PCDHGB1: variants seen among roughly 807,000 people sequenced by gnomAD.
PCDHGB1 encodes the protein protocadherin gamma-B1.
Under a neutral mutation model 56.6 loss-of-function variants are expected in PCDHGB1, and 34 were observed. The observed-to-expected ratio is 0.60, with a 90% CI of 0.46 to 0.80. The LOEUF is 0.80. PCDHGB1 is among the 30% of genes least tolerant of loss of function. The pLI, the probability that PCDHGB1 is intolerant of heterozygous loss-of-function variation, is 0.00. For missense variants in PCDHGB1, 1,278 were observed against 1,204.6 expected (o/e 1.06, Z -0.90); for synonymous variants, 561 against 505.9 (o/e 1.11, Z -1.46).
At chr5:141,375,273 C>T in intron 1 of PCDHGB1, 1 of 1,613,854 alleles carries the variant, frequency 6.2e-7, no homozygotes, top group Non-Finnish European at 8.5e-7. Flanking sequence ...TTGGAAAAAT[C>T]AGTTGGCAAT....
intron 1 of PCDHGB1, among the ~76,000 whole-genome samples, chr5:141,482,530 C>CAAAAAAAAAA (rs3074545): frequency 1.2e-3 from 90 of 76,428 alleles, no homozygotes; most frequent in African/African-American, 1.7e-3. Context: ...GACAGACATG[C>CAAAAAAAAAA]AAAAAAAAAA....
intron 1 of PCDHGB1, chr5:141,360,108 T>C (rs376839446): frequency 6.4e-7 from 1 of 1,555,128 alleles, no homozygotes; most frequent in Non-Finnish European, 8.7e-7. Flanking sequence ...ATTCCTCCTA[T>C]GGGCAAAGGA....
intron 1 of PCDHGB1, chr5:141,371,738 C>G (rs765693064): frequency 6.2e-7 from 1 of 1,614,052 alleles, no homozygotes. Flanking sequence ...TCAACGACAA[C>G]GTTCCCGTTT....
chr5:141,485,586 TG>T lies in PCDHGB1; in HGVS notation c.2410-9219del. The T allele has an allele frequency of 6.2e-7, 1 of 1,612,402 alleles. No homozygotes were observed. Among genetic ancestry groups the T allele is most frequent in the Non-Finnish European group, 8.5e-7 (1 of 1,178,600 alleles). Reference sequence around the variant, plus strand: ...GCCCCCCGTTTTCCGCGGCAGCAGCTGGACTTGGAAATTGGGGAGGCAGCTC... The same window carrying T: ...GCCCCCCGTTTTCCGCGGCAGCAGCTGACTTGGAAATTGGGGAGGCAGCTC... On this transcript the variant is annotated intron_variant, in intron 1 of 3. Coordinates refer to ENST00000523390, the MANE Select transcript of PCDHGB1 (RefSeq NM_018922.3). The surrounding 1 kb of genome is among the most constrained non-coding windows in gnomAD (Gnocchi z 5.7).
At position 141,486,609 on chromosome 5, in the gene PCDHGB1, C is replaced by T; in HGVS notation, c.2410-8198C>T. The T allele has an allele frequency of 6.2e-7, 1 of 1,613,568 alleles. No homozygotes were observed. ...GGGGACCTGCTTTGCTCCCTTGCAG[C>T]CTCTGACCCAGACTCTGGCTTGAAT... On this transcript the variant is annotated intron_variant, in intron 1 of 3. Transcript: ENST00000523390. The surrounding 1 kb of genome is among the most constrained non-coding windows in gnomAD (Gnocchi z 5.0).
rs1425448852 is a variant in PCDHGB1, at chr5:141,493,717, C to T, written c.2410-1090C>T. Among the ~76,000 whole-genome samples the T allele has an allele frequency of 1.3e-5, 2 of 152,208 alleles. No individual in the cohort carries two copies. The highest frequency in any genetic ancestry group is 3.8e-4 in the East Asian group (2 of 5,202). On this transcript the variant is annotated intron_variant, in intron 1 of 3. Coordinates refer to ENST00000523390, the MANE Select transcript of PCDHGB1 (RefSeq NM_018922.3). This position sits in a 1 kb window ranked among gnomAD's most constrained non-coding sequence, Gnocchi z 4.3. ...CCGATACACCTGGAATGCTAGGTTT[C>T]TGGGTTCTGCTCATATCACTGCCAC...
chr5:141,400,281 C>G, intron 1 of PCDHGB1: 5 of 1,614,016 alleles, frequency 3.1e-6, no homozygotes, highest in Non-Finnish European at 4.2e-6. Context: ...CCAGCCCTGC[C>G]GCCTGGAGCT....
Position 141,418,592 on chromosome 5 carries a change from G to A in PCDHGB1, c.2409+65923G>A, listed in dbSNP as rs772314584. Reference sequence around the variant, plus strand: ...TGACAACCCCCCAGTGTTCAGCCAGGACGTGTACAGGGTTAGCCTTCGGGA... The same window carrying A: ...TGACAACCCCCCAGTGTTCAGCCAGAACGTGTACAGGGTTAGCCTTCGGGA... On this transcript the variant is annotated intron_variant, in intron 1 of 3. Transcript: ENST00000523390. 18 of 1,614,020 alleles carry A rather than the reference G, an allele frequency of 1.1e-5. No homozygotes were observed. The highest frequency in any genetic ancestry group is 1.5e-5 in the Non-Finnish European group (18 of 1,179,902).
rs1201654822 is a variant in PCDHGB1, at chr5:141,476,876, C to T, written c.2410-17931C>T. ...CCAGTCCTTGTACCGGGCGCGCGTC[C>T]TGGAGGATGCACCCTCCGGCACGCG... On this transcript the variant is annotated intron_variant, in intron 1 of 3. Transcript: ENST00000523390. The surrounding 1 kb of genome is among the most constrained non-coding windows in gnomAD (Gnocchi z 7.6). 6.2e-7 allele frequency: 1 copy of T among 1,613,876 alleles called. No homozygotes were observed. The highest frequency in any genetic ancestry group is 1.7e-5 in the Admixed American group (1 of 60,018).
intron 1 of PCDHGB1, chr5:141,394,379 T>G: frequency 6.2e-7 from 1 of 1,614,160 alleles, no homozygotes; most frequent in Non-Finnish European, 8.5e-7. Context: ...CTTTCGACTA[T>G]GAGCAGATCC....
chr5:141,398,962 T>A lies in PCDHGB1; in HGVS notation c.2409+46293T>A, dbSNP rs568248356. ...CGAGGGCATCAACTCAGAAATTACT[T>A]ATTCCTTCTACAGAACCGGGCAAAT... On this transcript the variant is annotated intron_variant, in intron 1 of 3. Coordinates refer to ENST00000523390, the MANE Select transcript of PCDHGB1 (RefSeq NM_018922.3). The A allele has an allele frequency of 2.6e-5, 42 of 1,613,934 alleles. No individual in the cohort carries two copies. Among genetic ancestry groups the A allele is most frequent in the Middle Eastern group, 3.3e-4 (2 of 6,062 alleles).
rs2099606006 is a variant in PCDHGB1, at chr5:141,485,058, G to A, written c.2410-9749G>A. Reference sequence around the variant, plus strand: ...TAACCCTTGCGGCGCCGGCCGAACCGCGCCAGAGCTGGCGCGGGGAAAGGG... The same window carrying A: ...TAACCCTTGCGGCGCCGGCCGAACCACGCCAGAGCTGGCGCGGGGAAAGGG... On this transcript the variant is annotated intron_variant, in intron 1 of 3. Coordinates refer to ENST00000523390, the MANE Select transcript of PCDHGB1 (RefSeq NM_018922.3). The surrounding 1 kb of genome is among the most constrained non-coding windows in gnomAD (Gnocchi z 5.7). 1 of 848,828 alleles carries A rather than the reference G, an allele frequency of 1.2e-6. No individual in the cohort carries two copies. The highest frequency in any genetic ancestry group is 1.9e-6 in the Non-Finnish European group (1 of 529,084). The allele number at this position is 848,828 out of a possible 1,614,324, so 52.6% of individuals were successfully genotyped here.
At chr5:141,447,650 T>TC (rs1036312126) in intron 1 of PCDHGB1, among the ~76,000 whole-genome samples, 5 of 151,988 alleles carry the variant, frequency 3.3e-5, no homozygotes, top group Non-Finnish European at 5.9e-5. Context: ...GGTAGAATTT[T>TC]CCCCCCCAGG....
chr5:141,419,776 C>A (rs965350189), intron 1 of PCDHGB1: 3 of 1,613,908 alleles, frequency 1.9e-6, no homozygotes, highest in African/African-American at 2.7e-5. Flanking sequence ...ACTCGGTCCG[C>A]CAGCGCCTGC....
chr5:141,472,132 A>C (rs1004365239), intron 1 of PCDHGB1, among the ~76,000 whole-genome samples: 3 of 152,272 alleles, frequency 2.0e-5, no homozygotes, highest in African/African-American at 7.2e-5. Flanking sequence ...GAGAAGTTAA[A>C]AATAAAAGTT....
chr5:141,383,633 C>T (rs1298423457), intron 1 of PCDHGB1: 1 of 1,613,966 alleles, frequency 6.2e-7, no homozygotes. Context: ...TTCTCTCTGC[C>T]TCAGTACCAA....
At chr5:141,438,487 G>T (rs1030201971) in intron 1 of PCDHGB1, among the ~76,000 whole-genome samples, 9 of 150,284 alleles carry the variant, frequency 6.0e-5, no homozygotes, top group African/African-American at 2.2e-4. Flanking sequence ...GTCTCTTGGA[G>T]AAAAAAGAAT....
intron 1 of PCDHGB1, chr5:141,413,606 TA>T (rs778210256): frequency 6.8e-6 from 11 of 1,613,848 alleles, no homozygotes; most frequent in Admixed American, 5.0e-5. Context: ...AATCTAGACG[TA>T]AAAATTAATG....
intron 1 of PCDHGB1, chr5:141,427,922 G>A: frequency 6.3e-7 from 1 of 1,580,742 alleles, no homozygotes; most frequent in Non-Finnish European, 8.6e-7. Flanking sequence ...ACATGAGCCG[G>A]CGCATGTTGG....
Sources: allele counts gnomAD v4.1 joint callset (sites outside exome capture counted in the v4.1 genomes callset), GRCh38; gene constraint gnomAD v4.1.1; non-coding constraint Gnocchi (gnomAD v3.1); transcripts MANE v1.5; gene names NCBI Gene and HGNC (gene_info 2026-07-23, HGNC 2026-07-21).